The following GABRA3 variants were observed in gnomAD, a reference collection of about 807,000 sequenced individuals.
GABRA3 encodes the protein gamma-aminobutyric acid type A receptor subunit alpha3, also known as gamma-aminobutyric acid receptor subunit alpha-3.
In GABRA3, 10 loss-of-function variants were observed where a neutral mutation model predicts 30.1. That is an observed-to-expected ratio of 0.33 (90% CI 0.20 to 0.56). The LOEUF (loss-of-function observed/expected upper bound fraction) is 0.56. Among genes scored for constraint, GABRA3 ranks in the 20% least tolerant of loss-of-function variants. The pLI is 0.89. For missense variants in GABRA3, 233 were observed against 392.0 expected (o/e 0.59, Z 3.42); for synonymous variants, 151 against 146.8 (o/e 1.03, Z -0.21).
chrX:152,400,240 C>T lies in GABRA3; in HGVS notation c.-26-35644G>A, dbSNP rs186474732. 1.7e-3 allele frequency among the ~76,000 whole-genome samples: 190 copies of T among 111,024 alleles called. 1 individual carries two copies. The highest frequency in any genetic ancestry group is 6.0e-3 in the African/African-American group (182 of 30,539). On this transcript the variant is annotated intron_variant, in intron 1 of 9. Transcript: ENST00000370314. ...GCTCACTCCTATATTCCCAGTGCTT[C>T]GGGAGACTGAGGTAGGAGGATCACT... is the stretch of plus-strand genomic sequence containing the variant.
intron 1 of GABRA3, among the ~76,000 whole-genome samples, chrX:152,413,668 A>G (rs969455031): frequency 7.2e-5 from 8 of 111,424 alleles, no homozygotes; most frequent in African/African-American, 2.6e-4. Context: ...TTTATAAAGA[A>G]CGCCTGAAAA....
chrX:152,238,453 T>C (rs1468722858), intron 5 of GABRA3, among the ~76,000 whole-genome samples: 1 of 107,398 alleles, frequency 9.3e-6, no homozygotes, highest in Admixed American at 9.9e-5. Flanking sequence ...TCTAAAATTC[T>C]CTTTTTTGGT....
chrX:152,214,253 C>CT (rs1408057060), intron 6 of GABRA3, among the ~76,000 whole-genome samples: 2 of 111,218 alleles, frequency 1.8e-5, no homozygotes, highest in African/African-American at 6.5e-5. Context: ...TGATTTCATC[C>CT]TTTTTATGGC....
In GABRA3 at chrX:152,166,465, T is replaced by G. The variant is rs1936938768; in HGVS notation, c.*1763A>C. The G allele has an allele frequency of 1.9e-5, 2 of 105,531 alleles. No individual in the cohort carries two copies. The highest frequency in any genetic ancestry group is 7.0e-5 in the African/African-American group (2 of 28,756). The allele number at this position is 105,531 out of a possible 1,213,427, so 8.7% of individuals were successfully genotyped here. A position where few individuals can be genotyped will look rare whatever the true frequency, so the allele number is the denominator to read the frequency against. ...TTAGGAATAATGGGACGGGCATGCA[T>G]TATCCCAGCAATGGCAAGGAAGCAG... On this transcript the variant is annotated 3_prime_UTR_variant, in exon 10 of 10. Coordinates refer to ENST00000370314, the MANE Select transcript of GABRA3 (RefSeq NM_000808.4).
intron 4 of GABRA3, among the ~76,000 whole-genome samples, chrX:152,263,907 A>C (rs1938775501): frequency 8.9e-6 from 1 of 112,145 alleles, no homozygotes; most frequent in Admixed American, 9.4e-5. Context: ...ACCTTACAGG[A>C]CAGGAGAGAA....
In GABRA3 at chrX:152,293,058, C is replaced by T. The variant is rs761562446; in HGVS notation, c.263-8323G>A. On this transcript the variant is annotated intron_variant, in intron 3 of 9. Transcript: ENST00000370314. ...TTGGGGTGGAGAGTTCTGTAGATGTCTATTAGATCTGCTTGGTGCAGAGCT... is the reference window on the plus strand; with the variant it reads ...TTGGGGTGGAGAGTTCTGTAGATGTTTATTAGATCTGCTTGGTGCAGAGCT... Among the ~76,000 whole-genome samples, 4 of 111,306 alleles carry T rather than the reference C, an allele frequency of 3.6e-5. No individual in the cohort carries two copies. The East Asian group carries it at 1.1e-3, about 31-fold the overall frequency.
intron 1 of GABRA3, among the ~76,000 whole-genome samples, chrX:152,375,541 TTGCCTAG>T (rs1475708229): frequency 2.7e-5 from 3 of 112,230 alleles, no homozygotes; most frequent in African/African-American, 9.7e-5. Context: ...GCTCTTGGAC[TTGCCTAG>T]TGTTACTTCC....
At chrX:152,176,258 T>C (rs1937074833) in intron 9 of GABRA3, among the ~76,000 whole-genome samples, 1 of 110,828 alleles carries the variant, frequency 9.0e-6, no homozygotes, top group Non-Finnish European at 1.9e-5. Context: ...GATCTAAATG[T>C]AGTGGGAAGC....
At chrX:152,344,506 A>T (rs1940361815) in intron 3 of GABRA3, among the ~76,000 whole-genome samples, 1 of 112,028 alleles carries the variant, frequency 8.9e-6, no homozygotes, top group Non-Finnish European at 1.9e-5. Context: ...TCACAGGGAT[A>T]ATCTATAGTT....
At chrX:152,267,014 A>G (rs1374901287) in intron 4 of GABRA3, among the ~76,000 whole-genome samples, 4 of 112,434 alleles carry the variant, frequency 3.6e-5, no homozygotes, top group Admixed American at 2.8e-4. Context: ...AATGGTGAGC[A>G]TAAGTATTGA....
chrX:152,237,819 T>C (rs977743874), intron 5 of GABRA3, among the ~76,000 whole-genome samples: 1 of 108,109 alleles, frequency 9.2e-6, no homozygotes, highest in Non-Finnish European at 1.9e-5. Context: ...ATAAGAATGC[T>C]TGTGATTTTT....
At chrX:152,447,616 T>C (rs1342408015) in intron 1 of GABRA3, among the ~76,000 whole-genome samples, 7 of 112,309 alleles carry the variant, frequency 6.2e-5, no homozygotes, top group African/African-American at 2.3e-4. Flanking sequence ...CTTCACCCAC[T>C]TGGAATATAT....
chrX:152,397,201 G>A (rs188018749), intron 1 of GABRA3, among the ~76,000 whole-genome samples: 3 of 111,619 alleles, frequency 2.7e-5, no homozygotes, highest in Non-Finnish European at 3.8e-5. Context: ...TATAAGAGAC[G>A]GCTTGTGAGA....
rs369581832 is a variant in GABRA3, at chrX:152,308,131, C to A, written c.263-23396G>T. On this transcript the variant is annotated intron_variant, in intron 3 of 9. Transcript: ENST00000370314. The stretch of plus-strand genomic sequence containing the variant: ...TTCCCAGGGTCCCTGCCTGGCTGCA[C>A]CTACTTGCAGCACAGCATCAGATGC... 2.7e-5 allele frequency among the ~76,000 whole-genome samples: 3 copies of A among 112,688 alleles called. No homozygotes were observed. In the East Asian group the frequency reaches 8.5e-4, roughly 32 times the overall value.
intron 1 of GABRA3, among the ~76,000 whole-genome samples, chrX:152,433,236 C>T (rs933884064): frequency 2.7e-5 from 3 of 110,167 alleles, no homozygotes; most frequent in Non-Finnish European, 3.8e-5. Flanking sequence ...AGAAACAAGA[C>T]AAAGACTGCC....
intron 3 of GABRA3, among the ~76,000 whole-genome samples, chrX:152,314,353 G>T (rs1036260392): frequency 8.9e-6 from 1 of 111,738 alleles, no homozygotes; most frequent in Admixed American, 9.5e-5. Flanking sequence ...AATAATTGCT[G>T]AATTGGATAA....
At chrX:152,444,734 GTT>G (rs1261513788) in intron 1 of GABRA3, among the ~76,000 whole-genome samples, 4 of 40,389 alleles carry the variant, frequency 9.9e-5, no homozygotes, top group African/African-American at 2.9e-4. Flanking sequence ...ATACTTGTGT[GTT>G]TTTTTTTTTT....
At chrX:152,180,119 T>C (rs1357823292) in intron 9 of GABRA3, among the ~76,000 whole-genome samples, 1 of 111,902 alleles carries the variant, frequency 8.9e-6, no homozygotes, top group Non-Finnish European at 1.9e-5. Context: ...CTATTTTTAA[T>C]TTTTTCAGGA....
intron 7 of GABRA3, among the ~76,000 whole-genome samples, chrX:152,199,314 C>G (rs1449254618): frequency 1.9e-5 from 2 of 102,971 alleles, no homozygotes; most frequent in East Asian, 6.0e-4. Flanking sequence ...GGCAGTGAGC[C>G]AAGGTCGTGC....
Sources: gnomAD v4.1 joint callset for allele counts (sites outside exome capture counted in the v4.1 genomes callset) on GRCh38, gnomAD v4.1.1 for gene constraint, MANE v1.5 for transcripts, NCBI Gene and HGNC (gene_info 2026-07-23, HGNC 2026-07-21) for gene names.